NCKAP5: variants seen among roughly 807,000 people sequenced by gnomAD.
NCKAP5 encodes NCK associated protein 5, also known as nck-associated protein 5.
A neutral mutation model predicts 167.0 loss-of-function variants in NCKAP5; 92 were observed. The observed-to-expected ratio is 0.55, with a 90% CI of 0.47 to 0.66. NCKAP5 has a LOEUF of 0.66. Among genes scored for constraint, NCKAP5 ranks in the 30% least tolerant of loss-of-function variants. The probability of loss-of-function intolerance (pLI) is 0.00; values close to 1 mark genes in which losing one functional copy is unlikely to be tolerated. For missense variants in NCKAP5, 2,378 were observed against 2,315.0 expected, an observed-to-expected ratio of 1.03 and a Z score of -0.56; for synonymous variants, 891 against 877.4, an observed-to-expected ratio of 1.02 and a Z score of -0.27.
intron 15 of NCKAP5, among the ~76,000 whole-genome samples, chr2:132,777,800 G>A (rs1019860484): frequency 4.6e-5 from 7 of 151,968 alleles, no homozygotes; most frequent in Admixed American, 2.6e-4. Flanking sequence ...TTTTATCACC[G>A]TGGTACCATT....
intron 12 of NCKAP5, among the ~76,000 whole-genome samples, chr2:132,792,189 C>T (rs923158627): frequency 7.2e-5 from 11 of 152,226 alleles, no homozygotes; most frequent in African/African-American, 2.4e-4. Flanking sequence ...ATTTTTGCTG[C>T]ATAGCAATCT....
chr2:132,876,353 C>T (rs545226656), intron 9 of NCKAP5, among the ~76,000 whole-genome samples: 148 of 152,296 alleles, frequency 9.7e-4, no homozygotes, highest in African/African-American at 3.2e-3. Flanking sequence ...CTGCCTCAGC[C>T]TCCCAAAGTG....
At chr2:132,801,430 T>A (rs1179374458) in intron 11 of NCKAP5, among the ~76,000 whole-genome samples, 1 of 152,152 alleles carries the variant, frequency 6.6e-6, no homozygotes, top group East Asian at 1.9e-4. Context: ...TGTACATAGG[T>A]GCACACACAT....
chr2:133,009,764 T>A (rs989305701), intron 6 of NCKAP5, among the ~76,000 whole-genome samples: 7 of 151,808 alleles, frequency 4.6e-5, no homozygotes, highest in African/African-American at 1.7e-4. Context: ...ATGAAGAGAG[T>A]TGAGCATCAA....
chr2:133,003,535 G>A (rs1245948421), intron 6 of NCKAP5, among the ~76,000 whole-genome samples: 1 of 152,170 alleles, frequency 6.6e-6, no homozygotes, highest in Non-Finnish European at 1.5e-5. Context: ...CCCCAGGTTG[G>A]TTGTCACTTG....
chr2:133,385,833 A>T (rs1250507632), intron 3 of NCKAP5, among the ~76,000 whole-genome samples: 1 of 152,032 alleles, frequency 6.6e-6, no homozygotes. Flanking sequence ...GTTTATTTGC[A>T]TAGAGGTGTT....
intron 4 of NCKAP5, among the ~76,000 whole-genome samples, chr2:133,289,727 A>AAC (rs373408706): frequency 0.19 from 29,325 of 150,860 alleles, 2,834 homozygotes; most frequent in Middle Eastern, 0.24. Context: ...ACAAACAAAC[A>AAC]AAAAAAAACA....
chr2:133,426,628 A>C (rs969775235), intron 3 of NCKAP5, among the ~76,000 whole-genome samples: 2 of 152,292 alleles, frequency 1.3e-5, no homozygotes, highest in Non-Finnish European at 2.9e-5. Context: ...CAAAAAGATT[A>C]TACCTTGTGA....
At chr2:133,409,243 G>A (rs1226446213) in intron 3 of NCKAP5, among the ~76,000 whole-genome samples, 4 of 152,172 alleles carry the variant, frequency 2.6e-5, no homozygotes. Context: ...GTTAATGCAG[G>A]CATAAAAATG....
At position 133,233,761 on chromosome 2, in the gene NCKAP5, C is replaced by T. The variant is rs79706940; in HGVS notation, c.144-19982G>A. ...CTATTCTACATGCTTTTACATGCAT[C>T]GTCTTATTGAATCCATACAAATCTC... On this transcript the variant is annotated intron_variant, in intron 4 of 19. Coordinates refer to ENST00000409261, the MANE Select transcript of NCKAP5 (RefSeq NM_207363.3). Among the ~76,000 whole-genome samples, 777 of 152,248 alleles carry T rather than the reference C, an allele frequency of 5.1e-3. 5 individuals are homozygous for T. Among genetic ancestry groups the T allele is most frequent in the African/African-American group, 0.018 (746 of 41,550 alleles).
chr2:133,266,697 G>T (rs1440162097), intron 4 of NCKAP5, among the ~76,000 whole-genome samples: 2 of 152,310 alleles, frequency 1.3e-5, no homozygotes, highest in South Asian at 4.1e-4. Context: ...CGCAGCCCGG[G>T]CACCTCGCGC....
the NCKAP5 span, among the ~76,000 whole-genome samples, chr2:133,588,150 G>C: frequency 6.6e-6 from 1 of 152,130 alleles, no homozygotes; most frequent in South Asian, 2.1e-4. Flanking sequence ...AATGTTAAAT[G>C]TATTTCTTGT....
intron 6 of NCKAP5, among the ~76,000 whole-genome samples, chr2:133,002,720 C>T (rs2077828941): frequency 6.6e-6 from 1 of 152,216 alleles, no homozygotes; most frequent in Non-Finnish European, 1.5e-5. Flanking sequence ...ACTCTGAGCT[C>T]TCCTCCTGAG....
intron 16 of NCKAP5, among the ~76,000 whole-genome samples, chr2:132,771,784 T>C (rs565463409): frequency 7.9e-4 from 119 of 150,556 alleles, no homozygotes; most frequent in Admixed American, 4.8e-3. Context: ...ACCGTTCTCC[T>C]GCCTCAGCCT....
intron 9 of NCKAP5, among the ~76,000 whole-genome samples, chr2:132,869,587 C>G (rs947846043): frequency 6.6e-6 from 1 of 152,180 alleles, no homozygotes; most frequent in Non-Finnish European, 1.5e-5. Context: ...CAAACCCAAT[C>G]TTTTGGGGCT....
At chr2:133,433,452 T>C (rs1690286574) in intron 3 of NCKAP5, 1 of 152,200 alleles carries the variant, frequency 6.6e-6, no homozygotes, top group Non-Finnish European at 1.5e-5. Flanking sequence ...TTATTCTATG[T>C]ATGAATTCCA....
intron 6 of NCKAP5, among the ~76,000 whole-genome samples, chr2:133,041,936 T>C (rs2079231515): frequency 1.3e-5 from 2 of 152,192 alleles, no homozygotes; most frequent in Non-Finnish European, 2.9e-5. Context: ...GCATTATGCC[T>C]AGTATAATTT....
intron 3 of NCKAP5, among the ~76,000 whole-genome samples, chr2:133,443,682 T>G (rs1338635699): frequency 6.6e-6 from 1 of 152,172 alleles, no homozygotes; most frequent in Non-Finnish European, 1.5e-5. Flanking sequence ...CAACTGCAGC[T>G]CCAGCTCACC....
upstream of NCKAP5, among the ~76,000 whole-genome samples, chr2:133,568,913 T>C (rs1043734090): frequency 6.6e-6 from 1 of 152,196 alleles, no homozygotes; most frequent in Non-Finnish European, 1.5e-5. Context: ...AGATAGATTG[T>C]CTTGGGTGCA....
Sources: gnomAD v4.1 joint callset for allele counts (sites outside exome capture counted in the v4.1 genomes callset) on GRCh38, gnomAD v4.1.1 for gene constraint, MANE v1.5 for transcripts, NCBI Gene and HGNC (gene_info 2026-07-23, HGNC 2026-07-21) for gene names.